FOXO3: variants seen among roughly 807,000 people sequenced by gnomAD.
FOXO3 encodes forkhead box protein O3.
In FOXO3, 4 loss-of-function variants were observed where a neutral mutation model predicts 41.9. The observed-to-expected ratio is 0.10, with a 90% confidence interval of 0.05 to 0.22. The LOEUF (loss-of-function observed/expected upper bound fraction) is 0.22, where lower values mean the gene tolerates loss of function less well. Ranked by LOEUF, FOXO3 falls within the 10% of genes least tolerant of loss-of-function variation. The pLI is 1.00. For missense variants in FOXO3, 534 were observed against 906.8 expected, an observed-to-expected ratio of 0.59 and a Z score of 5.28; for synonymous variants, 318 against 389.3, an observed-to-expected ratio of 0.82 and a Z score of 2.16.
At chr6:108,643,186 ATTTCATTTTTAGTTCATTCTTGTAAT>A (rs1440160170) in intron 1 of FOXO3, among the ~76,000 whole-genome samples, 95 of 152,148 alleles carry the variant, frequency 6.2e-4, no homozygotes, top group Non-Finnish European at 1.1e-3. Flanking sequence ...ACAGAGGGTG[ATTTCATTTTTAGTTCATTCTTGTAAT>A]TTTCATTTTT....
intron 1 of FOXO3, among the ~76,000 whole-genome samples, chr6:108,618,618 T>C (rs1777581264): frequency 6.6e-6 from 1 of 152,272 alleles, no homozygotes; most frequent in African/African-American, 2.4e-5. Context: ...CTGAGGACTT[T>C]ACCTGATGTT....
At chr6:108,601,107 A>G (rs939390797) in intron 1 of FOXO3, among the ~76,000 whole-genome samples, 1 of 151,218 alleles carries the variant, frequency 6.6e-6, no homozygotes, top group Middle Eastern at 3.2e-3. Context: ...TCTGGGGTTC[A>G]CTCCATTCTC....
intron 1 of FOXO3, among the ~76,000 whole-genome samples, chr6:108,563,570 T>G (rs907405382): frequency 6.6e-6 from 1 of 152,226 alleles, no homozygotes; most frequent in Non-Finnish European, 1.5e-5. Flanking sequence ...GGGTTCGAAA[T>G]GTTTTTCAGA....
At chr6:108,667,771 A>T (rs1452722689) in intron 2 of FOXO3, among the ~76,000 whole-genome samples, 1 of 152,194 alleles carries the variant, frequency 6.6e-6, no homozygotes. Context: ...TTTTGAGAAG[A>T]TAACTTCTTC....
At chr6:108,598,251 C>T (rs1776943216) in intron 1 of FOXO3, among the ~76,000 whole-genome samples, 1 of 152,168 alleles carries the variant, frequency 6.6e-6, no homozygotes, top group Admixed American at 6.5e-5. Flanking sequence ...CCCTGTGCAT[C>T]TTTCTGTTCT....
chr6:108,653,308 A>G (rs551383649), intron 1 of FOXO3, among the ~76,000 whole-genome samples: 38 of 152,210 alleles, frequency 2.5e-4, no homozygotes, highest in Admixed American at 5.2e-4. Context: ...ACTATGTACC[A>G]GGCCCTCTGC....
intron 1 of FOXO3, among the ~76,000 whole-genome samples, chr6:108,643,560 G>A (rs1778318141): frequency 6.6e-6 from 1 of 152,142 alleles, no homozygotes; most frequent in Non-Finnish European, 1.5e-5. Context: ...TTTGATTTTT[G>A]TTTGTTTGTG....
At chr6:108,653,895 T>C (rs973407891) in intron 1 of FOXO3, among the ~76,000 whole-genome samples, 4 of 152,214 alleles carry the variant, frequency 2.6e-5, no homozygotes, top group Non-Finnish European at 4.4e-5. Flanking sequence ...GTGTGGCTAA[T>C]TTGAGCATGG....
rs569620240 is a variant in FOXO3, at chr6:108,609,156, G to A, written c.621+47327G>A. ...ATCAGCCTGTTGTAATTCACATTCA[G>A]TAAAGCTATGGTTTATAACTGGTAA... On this transcript the variant is annotated intron_variant, in intron 1 of 2. Coordinates refer to ENST00000406360, the MANE Select transcript of FOXO3 (RefSeq NM_001455.4). Among the ~76,000 whole-genome samples, 50 of 152,296 alleles carry A rather than the reference G, an allele frequency of 3.3e-4. 1 individual carries two copies. The highest frequency in any genetic ancestry group is 2.5e-3 in the South Asian group (12 of 4,824).
At chr6:108,623,900 A>C (rs1777740094) in intron 1 of FOXO3, among the ~76,000 whole-genome samples, 1 of 152,190 alleles carries the variant, frequency 6.6e-6, no homozygotes, top group Non-Finnish European at 1.5e-5. Flanking sequence ...AAGTTTTCTT[A>C]GTTGTTTGTT....
At chr6:108,618,928 G>T (rs1199637502) in intron 1 of FOXO3, among the ~76,000 whole-genome samples, 1 of 152,154 alleles carries the variant, frequency 6.6e-6, no homozygotes, top group African/African-American at 2.4e-5. Context: ...GACATGCTCT[G>T]TGTTCCCCCT....
chr6:108,607,582 C>G (rs1424521273), intron 1 of FOXO3, among the ~76,000 whole-genome samples: 1 of 152,060 alleles, frequency 6.6e-6, no homozygotes, highest in Non-Finnish European at 1.5e-5. Context: ...GTTTCTAACC[C>G]TGTTTTTCTT....
At position 108,664,068 on chromosome 6, in the gene FOXO3, C is replaced by G; in HGVS notation, c.1235C>G (p.Ser412Cys). The change falls in exon 2 of 3, where the codon TCT becomes TGT. Residue 412 changes from serine (S) to cysteine (C), a missense_variant. Around this residue, in one of 8 missense-constraint regions of FOXO3, gnomAD observed 185 missense variants for 224.9 expected, o/e 0.82. Coordinates refer to ENST00000406360, the MANE Select transcript of FOXO3 (RefSeq NM_001455.4). The stretch of plus-strand genomic sequence containing the variant: ...ACTGGGGGACTCATGCAGCGGAGCT[C>G]TAGCTTCCCGTATACCACCAAGGGC... ...SPTGGLMQRS[S>C]SFPYTTKGSG... The G allele has an allele frequency of 6.2e-7, 1 of 1,614,186 alleles. No homozygotes were observed. The highest frequency in any genetic ancestry group is 8.5e-7 in the Non-Finnish European group (1 of 1,180,038).
At chr6:108,632,546 T>C (rs913230967) in intron 1 of FOXO3, among the ~76,000 whole-genome samples, 14 of 152,236 alleles carry the variant, frequency 9.2e-5, no homozygotes, top group African/African-American at 3.1e-4. Context: ...TGGCTGCAGA[T>C]GCCTTTTCGT....
chr6:108,654,078 C>G (rs986444129), intron 1 of FOXO3, among the ~76,000 whole-genome samples: 1 of 152,100 alleles, frequency 6.6e-6, no homozygotes, highest in Non-Finnish European at 1.5e-5. Flanking sequence ...CCTTTAGATG[C>G]TTCTTCCTCA....
intron 1 of FOXO3, among the ~76,000 whole-genome samples, chr6:108,562,171 A>G (rs1775819814): frequency 3.3e-5 from 5 of 151,272 alleles, no homozygotes; most frequent in Admixed American, 3.3e-4. Flanking sequence ...TTTGGAGTAG[A>G]GTTTACCGTA....
intron 1 of FOXO3, among the ~76,000 whole-genome samples, chr6:108,587,114 G>T (rs889120549): frequency 6.6e-6 from 1 of 151,824 alleles, no homozygotes; most frequent in East Asian, 1.9e-4. Context: ...CAGCCTATTC[G>T]TTTTTAATTT....
chr6:108,676,599 G>A (rs981066978), intron 2 of FOXO3, among the ~76,000 whole-genome samples: 4 of 152,054 alleles, frequency 2.6e-5, no homozygotes, highest in East Asian at 3.9e-4. Context: ...TAAATCTCAC[G>A]GTTAACTAAA....
At chr6:108,622,527 TTTTGTTTTGTTTTA>T (rs901603565) in intron 1 of FOXO3, among the ~76,000 whole-genome samples, 4 of 152,124 alleles carry the variant, frequency 2.6e-5, no homozygotes, top group African/African-American at 4.8e-5. Flanking sequence ...TTTGGTGTTT[TTTTGTTTTGTTTTA>T]TTTGTTTTGT....
Sources: gnomAD v4.1 joint callset for allele counts (sites outside exome capture counted in the v4.1 genomes callset) on GRCh38, gnomAD v4.1.1 for gene constraint, gnomAD v4.1.1 regional missense constraint, MANE v1.5 for transcripts, NCBI Gene and HGNC (gene_info 2026-07-23, HGNC 2026-07-21) for gene names.